The following USH2A variants were observed in gnomAD, a reference collection of about 807,000 sequenced individuals.
USH2A encodes Usher syndrome 2A (autosomal recessive, mild).
A neutral mutation model predicts 538.9 loss-of-function variants in USH2A; 443 were observed. That is an observed-to-expected ratio of 0.82 (90% CI 0.76 to 0.89). The LOEUF (loss-of-function observed/expected upper bound fraction) is 0.89, where lower values mean the gene tolerates loss of function less well. Among genes scored for constraint, USH2A ranks in the 40% least tolerant of loss-of-function variants. The probability of loss-of-function intolerance (pLI) is 0.00; values close to 1 mark genes in which losing one functional copy is unlikely to be tolerated. For missense variants in USH2A, 6,633 were observed against 6,324.8 expected (o/e 1.05, Z -1.65); for synonymous variants, 2,413 against 2,273.5 (o/e 1.06, Z -1.75).
rs56762245 is a variant in USH2A, at chr1:215,848,223, T to C, written c.8846-2190A>G. On this transcript the variant is annotated intron_variant, in intron 44 of 71. Transcript: ENST00000307340. ...GTCTCACAGCATTATTTATTACTCA[T>C]TAATTTGTGGCTGCTATGGTATAAT... Among the ~76,000 whole-genome samples, 67 of 152,316 alleles carry C rather than the reference T, an allele frequency of 4.4e-4. 1 individual carries two copies. The East Asian group carries it at 0.013, about 29-fold the overall frequency.
intron 16 of USH2A, among the ~76,000 whole-genome samples, chr1:216,203,488 C>T (rs114436354): frequency 8.0e-4 from 122 of 152,080 alleles, no homozygotes; most frequent in African/African-American, 2.8e-3. Flanking sequence ...ACATTGTTGA[C>T]CATGAGTAAC....
rs1001144573 is a variant in USH2A, at chr1:216,083,582, G to A, written c.5172C>T (p.Phe1724=). 1.9e-6 allele frequency: 3 copies of A among 1,611,828 alleles called. No homozygotes were observed. The highest frequency in any genetic ancestry group is 1.7e-5 in the Admixed American group (1 of 59,750). Residue 1724 remains phenylalanine, a synonymous_variant, in exon 26 of 72, where the codon TTC becomes TTT. Transcript: ENST00000307340. ...GAAACATATATGGATGAAGTTCCAG[G>A]AACCCTTTAAAGATAAAAATATGTA... ...NEGAQFLGAG[F]LELHPYMFHG...
rs903046914 is a variant in USH2A, at chr1:215,661,420, C to T, written c.14133+9552G>A. On this transcript the variant is annotated intron_variant, in intron 64 of 71. Coordinates refer to ENST00000307340, the MANE Select transcript of USH2A (RefSeq NM_206933.4). ...CAATGACCCACTTTCTTCCATTGTC[C>T]CTGCAGGCCTAGAAGGTAACAGCTT... 5.9e-5 allele frequency among the ~76,000 whole-genome samples: 9 copies of T among 152,260 alleles called. No individual in the cohort carries two copies. The South Asian group carries it at 1.0e-3, about 18-fold the overall frequency.
intron 13 of USH2A, among the ~76,000 whole-genome samples, chr1:216,233,919 C>T (rs1407241708): frequency 7.2e-5 from 11 of 152,090 alleles, no homozygotes. Flanking sequence ...CATGGGTACA[C>T]ACACAAGCCC....
chr1:215,797,960 T>G lies in USH2A; in HGVS notation c.9958+947A>C, dbSNP rs1166710516. ...CCTGGAAAGGATTCACCATTCTAGA[T>G]GCAATTAAGAATATTCATGATTCAT... On this transcript the variant is annotated intron_variant, in intron 50 of 71. Transcript: ENST00000307340. 6.6e-5 allele frequency among the ~76,000 whole-genome samples: 10 copies of G among 152,254 alleles called. No homozygotes were observed. In the East Asian group the frequency reaches 1.7e-3, roughly 26 times the overall value.
intron 32 of USH2A, among the ~76,000 whole-genome samples, chr1:216,023,468 A>AAAAAAAAAAAAAAAAAAAAAAAAAAAAT (rs1571897256): frequency 6.7e-6 from 1 of 148,346 alleles, no homozygotes; most frequent in Non-Finnish European, 1.5e-5. Flanking sequence ...ACAAAAAAAA[A>AAAAAAAAAAAAAAAAAAAAAAAAAAAAT]AAAAAAAAAA....
intron 37 of USH2A, among the ~76,000 whole-genome samples, chr1:215,943,211 G>A (rs1666679091): frequency 6.6e-6 from 1 of 152,040 alleles, no homozygotes; most frequent in Non-Finnish European, 1.5e-5. Context: ...CTAAAGAAAG[G>A]ATTGTAACAT....
chr1:216,069,911 T>C (rs1358447998), intron 30 of USH2A, among the ~76,000 whole-genome samples, 190 bp downstream of exon 30: 1 of 152,192 alleles, frequency 6.6e-6, no homozygotes, highest in African/African-American at 2.4e-5. Context: ...CCCATGCGCA[T>C]TGTAGAATTA....
intron 32 of USH2A, among the ~76,000 whole-genome samples, chr1:216,019,536 T>G (rs2102499926): frequency 6.6e-6 from 1 of 152,352 alleles, no homozygotes; most frequent in Non-Finnish European, 1.5e-5. Context: ...CATTGGATCT[T>G]AGTTTATTCA....
chr1:216,091,049 A>T (rs2032289572), intron 22 of USH2A, among the ~76,000 whole-genome samples: 1 of 152,164 alleles, frequency 6.6e-6, no homozygotes, highest in African/African-American at 2.4e-5. Context: ...CAAGTACATT[A>T]CCTACAGCCT....
At chr1:215,626,677 A>G (rs1478568813) in intron 71 of USH2A, among the ~76,000 whole-genome samples, 1 of 152,194 alleles carries the variant, frequency 6.6e-6, no homozygotes, top group South Asian at 2.1e-4. Flanking sequence ...AATACAGTAT[A>G]ATAGTTACAA....
intron 13 of USH2A, among the ~76,000 whole-genome samples, chr1:216,234,751 A>G (rs1336854263): frequency 2.0e-5 from 3 of 152,178 alleles, no homozygotes; most frequent in African/African-American, 7.2e-5. Context: ...TGATTTTTAG[A>G]AGAAATGATG....
intron 12 of USH2A, among the ~76,000 whole-genome samples, chr1:216,248,995 T>C (rs918894565): frequency 6.6e-6 from 1 of 152,146 alleles, no homozygotes; most frequent in Non-Finnish European, 1.5e-5. Context: ...GAATCATTAG[T>C]AAGATTTAAC....
intron 34 of USH2A, among the ~76,000 whole-genome samples, chr1:215,994,643 G>A (rs192024983): frequency 9.2e-5 from 14 of 152,200 alleles, no homozygotes; most frequent in Non-Finnish European, 1.6e-4. Context: ...ATTAACCTCT[G>A]TGGGTTTCCT....
chr1:215,662,259 T>C (rs1038919216), intron 64 of USH2A, among the ~76,000 whole-genome samples: 5 of 152,352 alleles, frequency 3.3e-5, no homozygotes, highest in Middle Eastern at 3.4e-3. Context: ...TGGCATATTA[T>C]CTACATTCAG....
intron 35 of USH2A, among the ~76,000 whole-genome samples, chr1:215,990,760 CTTTTTTTTT>C (rs35293238): frequency 8.7e-6 from 1 of 114,582 alleles, no homozygotes; most frequent in African/African-American, 3.3e-5. Flanking sequence ...CTTAATTTTC[CTTTTTTTTT>C]TTTTTTTTTT....
At chr1:216,236,129 G>T (rs1382265496) in intron 13 of USH2A, among the ~76,000 whole-genome samples, 2 of 151,818 alleles carry the variant, frequency 1.3e-5, no homozygotes, top group African/African-American at 4.8e-5. Flanking sequence ...TCATCCCAAG[G>T]TATAATTTCT....
chr1:216,310,391 T>A (rs2037398442), intron 9 of USH2A, among the ~76,000 whole-genome samples: 1 of 152,118 alleles, frequency 6.6e-6, no homozygotes, highest in Non-Finnish European at 1.5e-5. Flanking sequence ...TTTTAAATTT[T>A]GGAATTTTTT....
At chr1:216,084,969 G>A (rs2032081830) in intron 24 of USH2A, 92 bp from the exon 25 acceptor site, 4 of 1,275,950 alleles carry the variant, frequency 3.1e-6, no homozygotes, top group Non-Finnish European at 4.4e-6. Context: ...AAAGAAATAG[G>A]CACTAGCTCT....
Sources: gnomAD v4.1 joint callset for allele counts (sites outside exome capture counted in the v4.1 genomes callset) on GRCh38, gnomAD v4.1.1 for gene constraint, MANE v1.5 for transcripts, NCBI Gene and HGNC (gene_info 2026-07-23, HGNC 2026-07-21) for gene names.